GLMN: variants seen among roughly 807,000 people sequenced by gnomAD.
GLMN encodes the protein glomulin, FKBP associated protein, also known as glomulin.
GLMN carries 75 observed loss-of-function variants against 87.8 expected under a neutral mutation model. The observed-to-expected ratio is 0.85, with a 90% CI of 0.71 to 1.04. GLMN has a LOEUF of 1.04. Ranked by LOEUF, GLMN falls within the 50% of genes least tolerant of loss-of-function variation. The pLI, the probability that GLMN is intolerant of heterozygous loss-of-function variation, is 0.00. For missense variants in GLMN, 588 were observed against 658.8 expected, an observed-to-expected ratio of 0.89 and a Z score of 1.18; for synonymous variants, 206 against 221.6, an observed-to-expected ratio of 0.93 and a Z score of 0.63.
intron 16 of GLMN, among the ~76,000 whole-genome samples, chr1:92,256,441 A>G (rs1654264252): frequency 6.6e-6 from 1 of 152,206 alleles, no homozygotes; most frequent in Non-Finnish European, 1.5e-5. Context: ...CCTGGCAGAG[A>G]CACAACAAAA....
intron 16 of GLMN, among the ~76,000 whole-genome samples, chr1:92,253,282 G>A (rs909538721): frequency 1.3e-5 from 2 of 152,192 alleles, no homozygotes; most frequent in African/African-American, 4.8e-5. Context: ...GGGGCTTATA[G>A]ATAAAACTTC....
chr1:92,289,066 T>C lies in GLMN; in HGVS notation c.480A>G (p.Pro160=), dbSNP rs570439658. 6.8e-6 allele frequency: 11 copies of C among 1,611,562 alleles called. No homozygotes were observed. Among genetic ancestry groups the C allele is most frequent in the South Asian group, 4.4e-5 (4 of 91,026 alleles). The change falls in exon 6 of 19, where the codon CCA becomes CCG. Residue 160 remains proline (P), a synonymous_variant. Coordinates refer to ENST00000370360, the MANE Select transcript of GLMN (RefSeq NM_053274.3). ...CCATTTGTATTTGTTCTTTTGAGTATGGAACAGGAAGAAGAGATAGCTGAT... is the reference window on the plus strand; with the variant it reads ...CCATTTGTATTTGTTCTTTTGAGTACGGAACAGGAAGAAGAGATAGCTGAT... ...LWNQLSLLPV[P]YSKEQIQMDD...
At chr1:92,336,297 A>G in the GLMN span, 2 of 1,317,516 alleles carry the variant, frequency 1.5e-6, no homozygotes, top group South Asian at 1.3e-5. Context: ...ACCCAAAAAA[A>G]GTTTCCATAT....
At chr1:92,326,088 T>C in the GLMN span, among the ~76,000 whole-genome samples, 1 of 151,930 alleles carries the variant, frequency 6.6e-6, no homozygotes, top group East Asian at 1.9e-4. Context: ...TATGCAACTA[T>C]ACTAGATAAT....
the GLMN span, among the ~76,000 whole-genome samples, chr1:92,347,544 C>A: frequency 6.6e-6 from 1 of 152,202 alleles, no homozygotes; most frequent in Non-Finnish European, 1.5e-5. Flanking sequence ...TTACTGAAGA[C>A]ACATTAAGTC....
At chr1:92,328,597 G>T in the GLMN span, among the ~76,000 whole-genome samples, 2 of 152,012 alleles carry the variant, frequency 1.3e-5, no homozygotes, top group African/African-American at 4.8e-5. Context: ...CCTTTCTCTG[G>T]TGCCTCCTTG....
At chr1:92,250,537 A>G (rs1653331906) in intron 16 of GLMN, among the ~76,000 whole-genome samples, 1 of 152,172 alleles carries the variant, frequency 6.6e-6, no homozygotes, top group Non-Finnish European at 1.5e-5. Flanking sequence ...AAGTTTTTCT[A>G]GGATACTGTT....
chr1:92,256,438 G>C (rs1341987839), intron 16 of GLMN, among the ~76,000 whole-genome samples: 2 of 152,110 alleles, frequency 1.3e-5, no homozygotes, highest in East Asian at 3.8e-4. Context: ...AAACCTGGCA[G>C]AGACACAACA....
chr1:92,302,589 A>ATTTTT (rs1557586485), upstream of GLMN, among the ~76,000 whole-genome samples: 1 of 92,268 alleles, frequency 1.1e-5, no homozygotes, highest in Non-Finnish European at 2.3e-5. Flanking sequence ...TTCCGCATTA[A>ATTTTT]ATTTTTTTTT....
the GLMN span, among the ~76,000 whole-genome samples, chr1:92,329,305 A>G: frequency 6.6e-6 from 1 of 152,074 alleles, no homozygotes; most frequent in African/African-American, 2.4e-5. Context: ...TCCCAGGCCA[A>G]TGGAGTTATG....
rs1652894230 is a variant in GLMN at position 92,247,798 on chromosome 1, G to A, written c.1585+80C>T. 6 of 735,658 alleles carry A rather than the reference G, an allele frequency of 8.2e-6. No homozygotes were observed. The East Asian group carries it at 1.5e-4, about 18-fold the overall frequency. 45.6% of individuals were successfully genotyped at this position (735,658 alleles called of 1,614,324 possible). A position where few individuals can be genotyped will look rare whatever the true frequency, so the allele number is the denominator to read the frequency against. ...CTCTAAAGTACAAGATTTTTAAAAA[G>A]TTCTTAAATTTGAATATGACAGTTC... On this transcript the variant is annotated intron_variant, in intron 17 of 18. Coordinates refer to ENST00000370360, the MANE Select transcript of GLMN (RefSeq NM_053274.3).
chr1:92,358,255 C>T, the GLMN span, among the ~76,000 whole-genome samples: 1 of 152,272 alleles, frequency 6.6e-6, no homozygotes, highest in East Asian at 1.9e-4. Context: ...ACCATCCTAC[C>T]TTGTTCTCCC....
At chr1:92,357,075 A>G in the GLMN span, among the ~76,000 whole-genome samples, 1 of 141,712 alleles carries the variant, frequency 7.1e-6, no homozygotes, top group Non-Finnish European at 1.5e-5. Flanking sequence ...CAAAAAAAAA[A>G]AAGAAAAAAA....
At chr1:92,357,198 C>A in the GLMN span, among the ~76,000 whole-genome samples, 2 of 152,110 alleles carry the variant, frequency 1.3e-5, no homozygotes, top group East Asian at 1.9e-4. Flanking sequence ...TTAAACAAAT[C>A]CCTTTCCCTC....
chr1:92,360,634 CTT>C, the GLMN span, among the ~76,000 whole-genome samples: 2 of 152,108 alleles, frequency 1.3e-5, no homozygotes, highest in Non-Finnish European at 2.9e-5. Flanking sequence ...GTATTTGCCT[CTT>C]TTTCTTTCCT....
intron 7 of GLMN, among the ~76,000 whole-genome samples, chr1:92,272,458 T>G (rs1472863646): frequency 6.6e-6 from 1 of 152,220 alleles, no homozygotes; most frequent in African/African-American, 2.4e-5. Context: ...GAATCATAGT[T>G]TAAAAAGTTT....
intron 16 of GLMN, among the ~76,000 whole-genome samples, chr1:92,250,796 GTTC>G (rs1653374991): frequency 6.6e-6 from 1 of 152,042 alleles, no homozygotes; most frequent in African/African-American, 2.4e-5. Context: ...ATTGAGCCTA[GTTC>G]TTTTCTTTTT....
chr1:92,246,876 A>G (rs1652740859), intron 18 of GLMN, among the ~76,000 whole-genome samples, 186 bp downstream of exon 18: 1 of 152,148 alleles, frequency 6.6e-6, no homozygotes, highest in African/African-American at 2.4e-5. Context: ...ACTAAAAATT[A>G]GCCAGGCATG....
chr1:92,308,665 A>C, the GLMN span, among the ~76,000 whole-genome samples: 1 of 152,186 alleles, frequency 6.6e-6, no homozygotes, highest in African/African-American at 2.4e-5. Flanking sequence ...AGCTAATTTA[A>C]AACAAATCTT....
Sources: allele counts gnomAD v4.1 joint callset (sites outside exome capture counted in the v4.1 genomes callset), GRCh38; gene constraint gnomAD v4.1.1; transcripts MANE v1.5; gene names NCBI Gene and HGNC (gene_info 2026-07-23, HGNC 2026-07-21).